Variants in SH3BGR observed in about 807,000 individuals in gnomAD.
The protein encoded by SH3BGR is SH3 domain binding glutamate rich protein, also known as SH3 domain-binding glutamic acid-rich protein.
Under a neutral mutation model 24.5 loss-of-function variants are expected in SH3BGR, and 29 were observed. The ratio of observed to expected loss-of-function variants is 1.18; its 90% confidence interval spans 0.88 to 1.61. The LOEUF is 1.61. SH3BGR is among the 40% of genes most tolerant of loss of function. The pLI, the probability that SH3BGR is intolerant of heterozygous loss-of-function variation, is 0.00. For missense variants in SH3BGR, 162 were observed against 205.8 expected (o/e 0.79, Z 1.30); for synonymous variants, 55 against 65.7 (o/e 0.84, Z 0.79).
intron 2 of SH3BGR, among the ~76,000 whole-genome samples, chr21:39,472,530 T>A (rs2077958832): frequency 6.6e-6 from 1 of 152,204 alleles, no homozygotes; most frequent in Admixed American, 6.5e-5. Flanking sequence ...TTTCTGCTAG[T>A]TTCCTTAGAA....
At chr21:39,466,773 A>G (rs775539532) in intron 2 of SH3BGR, among the ~76,000 whole-genome samples, 2 of 152,236 alleles carry the variant, frequency 1.3e-5, no homozygotes, top group African/African-American at 4.8e-5. Context: ...GGTCCCTTCT[A>G]TGAGACAGAT....
At chr21:39,508,743 ATT>A (rs2078625008) in intron 4 of SH3BGR, among the ~76,000 whole-genome samples, 2 of 152,204 alleles carry the variant, frequency 1.3e-5, no homozygotes, top group African/African-American at 4.8e-5. Flanking sequence ...TAATAATTAC[ATT>A]TTCTCAGGAG....
chr21:39,492,466 G>GTGTGTGTGTATATATATA (rs1404293146), intron 3 of SH3BGR, among the ~76,000 whole-genome samples: 1 of 139,730 alleles, frequency 7.2e-6, no homozygotes, highest in African/African-American at 2.9e-5. Context: ...GTGTGTGTGT[G>GTGTGTGTGTATATATATA]TATATATATA....
In SH3BGR at chr21:39,511,333, GGTGT is replaced by G. The variant is rs1198373960; in HGVS notation, c.436-337_436-334del. 1.3e-5 allele frequency among the ~76,000 whole-genome samples: 2 copies of G among 148,714 alleles called. No individual in the cohort carries two copies. The highest frequency in any genetic ancestry group is 1.3e-4 in the Admixed American group (2 of 14,872). On this transcript the variant is annotated intron_variant, in intron 5 of 6. Coordinates refer to ENST00000333634, the MANE Select transcript of SH3BGR (RefSeq NM_007341.3). This position sits in a 1 kb window ranked among gnomAD's most constrained non-coding sequence, Gnocchi z 4.2. ...ATGTGGTGTGTGGGGTGTGTGGTCT[GGTGT>G]GTGTGTGTGCTATGTGGTGTTTGGT... is the stretch of plus-strand genomic sequence containing the variant.
intron 5 of SH3BGR, among the ~76,000 whole-genome samples, chr21:39,510,105 G>T (rs1324980068): frequency 6.9e-6 from 1 of 145,330 alleles, no homozygotes; most frequent in Non-Finnish European, 1.5e-5. Flanking sequence ...ACCGCGCCCG[G>T]CTAATTTTTT....
intron 3 of SH3BGR, among the ~76,000 whole-genome samples, chr21:39,494,967 C>G (rs2078368572): frequency 6.6e-6 from 1 of 151,904 alleles, no homozygotes; most frequent in Admixed American, 6.6e-5. Context: ...TTGTATTTGT[C>G]ATTTTCATTC....
chr21:39,512,999 T>G (rs1363032015), intron 6 of SH3BGR, among the ~76,000 whole-genome samples: 5 of 152,134 alleles, frequency 3.3e-5, no homozygotes, highest in Admixed American at 1.3e-4. Flanking sequence ...GCTATAAGCG[T>G]TTTTTAAAAA....
At chr21:39,482,575 A>G (rs2078147159) in intron 3 of SH3BGR, among the ~76,000 whole-genome samples, 1 of 152,226 alleles carries the variant, frequency 6.6e-6, no homozygotes, top group Admixed American at 6.5e-5. Context: ...GTGCAGTTTG[A>G]TAAGACAGAT....
intron 3 of SH3BGR, among the ~76,000 whole-genome samples, chr21:39,498,657 T>G (rs779899679): frequency 1.4e-4 from 22 of 152,348 alleles, no homozygotes; most frequent in Admixed American, 2.0e-4. Context: ...GGTGATGTAG[T>G]GGGAGAGGCA....
At chr21:39,502,988 T>TTC (rs1295422595) in intron 4 of SH3BGR, among the ~76,000 whole-genome samples, 2 of 151,706 alleles carry the variant, frequency 1.3e-5, no homozygotes, top group Admixed American at 1.3e-4. Context: ...CCAAGCTCTT[T>TTC]TTTTTTTTTT....
chr21:39,448,959 A>G (rs1208761730), upstream of SH3BGR, among the ~76,000 whole-genome samples: 1 of 151,512 alleles, frequency 6.6e-6, no homozygotes, highest in Non-Finnish European at 1.5e-5. Context: ...TCTTATAAAC[A>G]TTCTTTATTG....
chr21:39,461,197 C>T (rs184266929), intron 1 of SH3BGR, among the ~76,000 whole-genome samples: 66 of 143,912 alleles, frequency 4.6e-4, no homozygotes, highest in African/African-American at 1.4e-3. Flanking sequence ...AGTGCAGTGG[C>T]GCAATCTTGG....
At chr21:39,510,431 C>CACACACACACACACACACTGTAGCT (rs2078664231) in intron 5 of SH3BGR, among the ~76,000 whole-genome samples, 1 of 33,982 alleles carries the variant, frequency 2.9e-5, no homozygotes, top group Non-Finnish European at 6.0e-5. Flanking sequence ...ACTGTAGCTA[C>CACACACACACACACACACTGTAGCT]ACACACACAC....
In SH3BGR at chr21:39,455,813, T is replaced by C. The variant is rs574006668; in HGVS notation, c.45+3672T>C. ...CTGAATAGCGTGATAAGCAATGCAC[T>C]GGGCTCTGTTTAAATGACTAGTGTT... On this transcript the variant is annotated intron_variant, in intron 1 of 6. Transcript: ENST00000333634. Among the ~76,000 whole-genome samples the C allele has an allele frequency of 7.2e-5, 11 of 152,332 alleles. No individual in the cohort carries two copies. The South Asian group carries it at 2.1e-3, about 29-fold the overall frequency.
upstream of SH3BGR, among the ~76,000 whole-genome samples, chr21:39,448,223 C>G (rs77818896): frequency 5.2e-4 from 79 of 152,272 alleles, no homozygotes; most frequent in East Asian, 0.014. Flanking sequence ...GACTCTATTT[C>G]CAAATAAGGT....
intron 3 of SH3BGR, among the ~76,000 whole-genome samples, chr21:39,490,356 A>G (rs1207069683): frequency 1.3e-5 from 2 of 152,228 alleles, no homozygotes; most frequent in East Asian, 3.8e-4. Flanking sequence ...TAAATTTGAA[A>G]AGGCTAAAAT....
At chr21:39,473,592 A>G (rs1164496671) in intron 2 of SH3BGR, among the ~76,000 whole-genome samples, 2 of 152,188 alleles carry the variant, frequency 1.3e-5, no homozygotes, top group East Asian at 1.9e-4. Context: ...GAATAAGAGT[A>G]ACACACAGGA....
Position 39,511,528 on chromosome 21 carries a change from G to T in SH3BGR, c.436-152G>T. 1 of 618,528 alleles carries T rather than the reference G, an allele frequency of 1.6e-6. No individual in the cohort carries two copies. The highest frequency in any genetic ancestry group is 2.8e-6 in the Non-Finnish European group (1 of 361,568). The allele number at this position is 618,528 out of a possible 1,614,324, so 38.3% of individuals were successfully genotyped here. A position where few individuals can be genotyped will look rare whatever the true frequency, so the allele number is the denominator to read the frequency against. On this transcript the variant is annotated intron_variant, in intron 5 of 6. Transcript: ENST00000333634. This position sits in a 1 kb window ranked among gnomAD's most constrained non-coding sequence, Gnocchi z 4.2. ...CATGTGTTTGTGTGGCATGTGTGGT[G>T]TGTGTATTTGTGTGTTGTGTGTGTT...
At chr21:39,492,479 TATACACAC>T (rs1252814183) in intron 3 of SH3BGR, among the ~76,000 whole-genome samples, 3 of 67,718 alleles carry the variant, frequency 4.4e-5, no homozygotes, top group Non-Finnish European at 1.3e-4. Flanking sequence ...TATATATATA[TATACACAC>T]ACACACACAC....
Sources: gnomAD v4.1 joint callset for allele counts (sites outside exome capture counted in the v4.1 genomes callset) on GRCh38, gnomAD v4.1.1 for gene constraint, Gnocchi (gnomAD v3.1) non-coding constraint, MANE v1.5 for transcripts, NCBI Gene and HGNC (gene_info 2026-07-23, HGNC 2026-07-21) for gene names.